SEC31A: variants seen among roughly 807,000 people sequenced by gnomAD.
SEC31A encodes SEC31 homolog A, COPII component, also known as protein transport protein Sec31A.
Under a neutral mutation model 151.0 loss-of-function variants are expected in SEC31A, and 70 were observed. The ratio of observed to expected loss-of-function variants is 0.46; its 90% CI spans 0.38 to 0.57. The LOEUF is 0.57. Ranked by LOEUF, SEC31A falls within the 20% of genes least tolerant of loss-of-function variation. SEC31A has a pLI of 0.00. For synonymous variants in SEC31A, 475 were observed against 505.9 expected, an observed-to-expected ratio of 0.94 and a Z score of 0.82; for missense variants, 1,330 against 1,471.2, an observed-to-expected ratio of 0.90 and a Z score of 1.57.
Position 82,827,570 on chromosome 4 carries a change from G to A in SEC31A, c.3090C>T (p.Asp1030=). ...ITSPIMNPLG[D]PQSQMLQQQP... The stretch of plus-strand genomic sequence containing the variant: ...GTTGCTGCAGCATTTGTGACTGGGG[G>A]TCACCCAACGGGTTCATGATTGGTG... Residue 1030 remains aspartate (D), a synonymous_variant, in exon 24 of 27, where the codon GAC becomes GAT. Transcript: ENST00000395310. 4 of 1,614,174 alleles carry A rather than the reference G, an allele frequency of 2.5e-6. No homozygotes were observed. The highest frequency in any genetic ancestry group is 3.4e-6 in the Non-Finnish European group (4 of 1,180,012).
intron 4 of SEC31A, chr4:82,877,369 T>C (rs1477488731): frequency 7.9e-6 from 1 of 127,320 alleles, no homozygotes. Context: ...TCTAGTATCC[T>C]ATTAACTCAA....
rs573357557 is a variant in SEC31A, at chr4:82,858,418, C to G, written c.1627-654G>C. ...AATTAGCTGGCGGCAGTGGTGTGCA[C>G]CTGTAGCCCCACCTACTCGGGAGGC... On this transcript the variant is annotated intron_variant, in intron 14 of 26. Coordinates refer to ENST00000395310, the MANE Select transcript of SEC31A (RefSeq NM_001077207.4). Among the ~76,000 whole-genome samples the G allele has an allele frequency of 2.0e-4, 31 of 151,536 alleles. No individual in the cohort carries two copies. In the East Asian group the frequency reaches 5.7e-3, roughly 28 times the overall value.
intron 18 of SEC31A, among the ~76,000 whole-genome samples, chr4:82,852,055 G>C (rs1314763883): frequency 1.3e-5 from 2 of 152,144 alleles, no homozygotes; most frequent in African/African-American, 4.8e-5. Flanking sequence ...AAACCCAGTG[G>C]GAGGTAATTG....
At chr4:82,854,805 AT>A in intron 17 of SEC31A, 97 bp downstream of exon 17, 1 of 1,255,928 alleles carries the variant, frequency 8.0e-7, no homozygotes. Flanking sequence ...TGATTTGTAG[AT>A]TTTAAAAAGT....
At chr4:82,899,472 A>T (rs1271292751) in intron 3 of SEC31A, 1 of 152,254 alleles carries the variant, frequency 6.6e-6, no homozygotes, top group Non-Finnish European at 1.5e-5. Flanking sequence ...GTTGAGCAGG[A>T]AAAGGCTCTA....
At chr4:82,827,043 G>C (rs1578118826) in intron 24 of SEC31A, among the ~76,000 whole-genome samples, 1 of 151,980 alleles carries the variant, frequency 6.6e-6, no homozygotes, top group African/African-American at 2.4e-5. Flanking sequence ...TCTATTTTAA[G>C]GAGAAAAATC....
At chr4:82,890,362 T>C (rs1309175068) in intron 1 of SEC31A, among the ~76,000 whole-genome samples, 5 of 152,066 alleles carry the variant, frequency 3.3e-5, no homozygotes. Context: ...TTTCTATAGT[T>C]AGAAAAAATA....
At chr4:82,844,259 A>C (rs943194806) in intron 21 of SEC31A, 127 bp downstream of exon 21, 2 of 974,750 alleles carry the variant, frequency 2.1e-6, no homozygotes, top group Non-Finnish European at 3.0e-6. Context: ...TGTAGCAGGG[A>C]CTCAGGAATC....
intron 18 of SEC31A, 98 bp downstream of exon 18, chr4:82,853,472 A>G (rs1731883186): frequency 1.9e-6 from 2 of 1,037,996 alleles, no homozygotes; most frequent in African/African-American, 3.4e-5. Context: ...GAAGTTCTTG[A>G]ATGTATAGAA....
chr4:82,842,660 A>C, intron 21 of SEC31A, 179 bp from the exon 22 acceptor site: 1 of 550,896 alleles, frequency 1.8e-6, no homozygotes, highest in Non-Finnish European at 3.2e-6. Flanking sequence ...ATACACTTGA[A>C]TTCAATAGCT....
At chr4:82,859,788 A>AGT (rs1733646969) in intron 14 of SEC31A, among the ~76,000 whole-genome samples, 1 of 68,216 alleles carries the variant, frequency 1.5e-5, no homozygotes, top group Non-Finnish European at 3.5e-5. Flanking sequence ...CTTGCATAAA[A>AGT]ATATTTTTTT....
chr4:82,880,973 A>C, intron 2 of SEC31A, 51 bp from the exon 3 acceptor site: 1 of 1,487,114 alleles, frequency 6.7e-7, no homozygotes, highest in Non-Finnish European at 9.2e-7. Context: ...AAAAGATCAG[A>C]GAAACCATAC....
At position 82,825,856 on chromosome 4, in the gene SEC31A, T is replaced by C. The variant is rs182484148; in HGVS notation, c.3292-1182A>G. On this transcript the variant is annotated intron_variant, in intron 24 of 26. Coordinates refer to ENST00000395310, the MANE Select transcript of SEC31A (RefSeq NM_001077207.4). ...ATTCAAAAAATATTTTGGAGTAATA[T>C]CGACGAGACTTGGGGAGATTTAAAA... Among the ~76,000 whole-genome samples, 325 of 152,226 alleles carry C rather than the reference T, an allele frequency of 2.1e-3. 1 individual carries two copies. Among genetic ancestry groups the C allele is most frequent in the African/African-American group, 7.4e-3 (307 of 41,532 alleles).
At chr4:82,896,131 T>C (rs1720050987), upstream of SEC31A, among the ~76,000 whole-genome samples, 1 of 152,242 alleles carries the variant, frequency 6.6e-6, no homozygotes, top group Non-Finnish European at 1.5e-5. Context: ...GGGTAGGTGT[T>C]CAACAAGTGA....
intron 13 of SEC31A, 38 bp from the exon 14 acceptor site, chr4:82,861,746 A>G (rs1248253860): frequency 7.0e-7 from 1 of 1,431,000 alleles, no homozygotes; most frequent in Admixed American, 1.8e-5. Context: ...AAGGTGAAGA[A>G]TGTAGTATTA....
intron 1 of SEC31A, 63 bp from the exon 2 acceptor site, chr4:82,882,003 G>T: frequency 1.6e-6 from 2 of 1,243,166 alleles, no homozygotes; most frequent in East Asian, 2.3e-5. Flanking sequence ...ACAGAACACA[G>T]ATATTTTAAA....
intron 22 of SEC31A, among the ~76,000 whole-genome samples, chr4:82,839,871 T>G (rs577257842): frequency 2.6e-5 from 4 of 152,334 alleles, no homozygotes; most frequent in Admixed American, 2.6e-4. Flanking sequence ...AAGACTAATC[T>G]CAAGGCCACA....
At chr4:82,876,107 C>CTTTTTT (rs200156848) in intron 4 of SEC31A, among the ~76,000 whole-genome samples, 1 of 127,214 alleles carries the variant, frequency 7.9e-6, no homozygotes, top group Admixed American at 8.3e-5. Flanking sequence ...TGGATAAATT[C>CTTTTTT]TTTTTTTTTT....
At chr4:82,846,766 G>C (rs898205821) in intron 20 of SEC31A, among the ~76,000 whole-genome samples, 1 of 152,134 alleles carries the variant, frequency 6.6e-6, no homozygotes, top group Non-Finnish European at 1.5e-5. Flanking sequence ...TCAGGCTGGA[G>C]TGCAATGGCG....
Sources: gnomAD v4.1 joint callset for allele counts (sites outside exome capture counted in the v4.1 genomes callset) on GRCh38, gnomAD v4.1.1 for gene constraint, MANE v1.5 for transcripts, NCBI Gene and HGNC (gene_info 2026-07-23, HGNC 2026-07-21) for gene names.